SMAD1: variants seen among roughly 807,000 people sequenced by gnomAD.
The protein encoded by SMAD1 is SMAD family member 1.
Under a neutral mutation model 41.6 loss-of-function variants are expected in SMAD1, and 6 were observed. The ratio of observed to expected loss-of-function variants is 0.14; its 90% CI spans 0.08 to 0.28. The LOEUF is 0.28. SMAD1 is among the 10% of genes least tolerant of loss of function. SMAD1 has a pLI of 1.00. For synonymous variants in SMAD1, 206 were observed against 203.2 expected (o/e 1.01, Z -0.12); for missense variants, 379 against 582.6 (o/e 0.65, Z 3.60).
intron 1 of SMAD1, among the ~76,000 whole-genome samples, chr4:145,485,741 C>T (rs17020202): frequency 6.6e-6 from 1 of 152,150 alleles, no homozygotes; most frequent in African/African-American, 2.4e-5. Context: ...TTAGTGTCAT[C>T]GATTCTAATT....
intron 2 of SMAD1, among the ~76,000 whole-genome samples, chr4:145,526,349 A>AT (rs1435656962): frequency 6.6e-6 from 1 of 152,152 alleles, no homozygotes; most frequent in Non-Finnish European, 1.5e-5. Context: ...ATTTTGCAGT[A>AT]TTTTTTGTGT....
intron 1 of SMAD1, among the ~76,000 whole-genome samples, chr4:145,485,263 A>C (rs1425933065): frequency 6.6e-6 from 1 of 152,074 alleles, no homozygotes; most frequent in African/African-American, 2.4e-5. Flanking sequence ...TCTTGTAGAG[A>C]CAGGGTTTCG....
chr4:145,521,796 C>T (rs1003220626), intron 2 of SMAD1, among the ~76,000 whole-genome samples: 3 of 150,902 alleles, frequency 2.0e-5, no homozygotes, highest in Admixed American at 6.6e-5. Context: ...TTGTAATATT[C>T]TGTGATAGTC....
intron 1 of SMAD1, among the ~76,000 whole-genome samples, chr4:145,494,388 A>T (rs533364326): frequency 6.6e-6 from 1 of 152,254 alleles, no homozygotes; most frequent in Non-Finnish European, 1.5e-5. Context: ...TGCACTGAGG[A>T]TCTTCTAACT....
rs1342378266 is a variant in SMAD1, at chr4:145,514,764, C to T, written c.151C>T (p.Leu51=). 2 of 1,613,982 alleles carry T rather than the reference C, an allele frequency of 1.2e-6. No individual in the cohort carries two copies. Among genetic ancestry groups the T allele is most frequent in the Admixed American group, 1.7e-5 (1 of 59,990 alleles). Reference sequence around the variant, plus strand: ...GAAAAAGAAAGGTGCCATGGAGGAACTGGAAAAGGCCTTGAGCTGCCCAGG... The same window carrying T: ...GAAAAAGAAAGGTGCCATGGAGGAATTGGAAAAGGCCTTGAGCTGCCCAGG... The part of the protein sequence containing the change: ...LKKKKGAMEE[L]EKALSCPGQP... Residue 51 remains leucine, a synonymous_variant, in exon 2 of 7, where the codon CTG becomes TTG. Transcript: ENST00000302085. The surrounding 1 kb of genome is among the most constrained non-coding windows in gnomAD (Gnocchi z 4.7).
intron 1 of SMAD1, among the ~76,000 whole-genome samples, chr4:145,483,484 G>A (rs917370656): frequency 3.9e-4 from 59 of 152,310 alleles, no homozygotes; most frequent in African/African-American, 1.0e-3. Flanking sequence ...GGTGGACCGT[G>A]TTAAAAAAGA....
intron 1 of SMAD1, among the ~76,000 whole-genome samples, chr4:145,506,809 G>T (rs1729814320): frequency 6.6e-6 from 1 of 152,098 alleles, no homozygotes; most frequent in Non-Finnish European, 1.5e-5. Context: ...TGAGGCCAAG[G>T]TGAAGAAAAT....
chr4:145,553,308 C>T (rs1240464000), intron 5 of SMAD1, among the ~76,000 whole-genome samples: 1 of 152,040 alleles, frequency 6.6e-6, no homozygotes, highest in African/African-American at 2.4e-5. Flanking sequence ...ATCAGTCATA[C>T]ATCAGCCATC....
chr4:145,501,741 A>T (rs1226902656), intron 1 of SMAD1, among the ~76,000 whole-genome samples: 1 of 145,288 alleles, frequency 6.9e-6, no homozygotes, highest in African/African-American at 2.6e-5. Context: ...TTTAAACTTG[A>T]CTGAGGGACT....
intron 2 of SMAD1, among the ~76,000 whole-genome samples, chr4:145,523,955 A>AGTGGC (rs1730894148): frequency 6.6e-6 from 1 of 152,138 alleles, no homozygotes; most frequent in Non-Finnish European, 1.5e-5. Context: ...GCTGGAGTGC[A>AGTGGC]GTGGCGCAGT....
At chr4:145,483,153 A>G (rs1305163868) in intron 1 of SMAD1, 1 of 152,130 alleles carries the variant, frequency 6.6e-6, no homozygotes, top group Non-Finnish European at 1.5e-5. Flanking sequence ...TCTCAGAACC[A>G]TCTCCTGAGA....
chr4:145,485,353 G>A (rs141237263), intron 1 of SMAD1, among the ~76,000 whole-genome samples: 220 of 152,304 alleles, frequency 1.4e-3, no homozygotes, highest in African/African-American at 5.2e-3. Context: ...TGGGGTTACA[G>A]GTGTGAGCCA....
chr4:145,531,863 A>G (rs1270559611), intron 2 of SMAD1, among the ~76,000 whole-genome samples: 1 of 151,708 alleles, frequency 6.6e-6, no homozygotes, highest in Admixed American at 6.6e-5. Context: ...GGGCAAACAT[A>G]TATCAGAACT....
At chr4:145,551,954 G>T (rs1732575325) in intron 5 of SMAD1, among the ~76,000 whole-genome samples, 1 of 152,154 alleles carries the variant, frequency 6.6e-6, no homozygotes. Context: ...GCAGAACATT[G>T]CTGTCATCCC....
intron 1 of SMAD1, among the ~76,000 whole-genome samples, chr4:145,504,342 G>C (rs572740491): frequency 6.6e-6 from 1 of 152,134 alleles, no homozygotes; most frequent in Non-Finnish European, 1.5e-5. Context: ...GAAATAACTA[G>C]ATCCATTTCT....
At chr4:145,535,900 TAATAA>T (rs1731585960) in intron 2 of SMAD1, among the ~76,000 whole-genome samples, 2 of 149,092 alleles carry the variant, frequency 1.3e-5, no homozygotes, top group Non-Finnish European at 3.0e-5. Context: ...AATTTCAAAG[TAATAA>T]AATAACACTG....
intron 2 of SMAD1, chr4:145,516,892 G>C (rs546879555): frequency 6.6e-6 from 1 of 152,248 alleles, no homozygotes; most frequent in Admixed American, 6.5e-5. Flanking sequence ...GCCCCTACAA[G>C]TTAAGTGCCT....
At chr4:145,497,939 TTTTTGGCAG>T (rs568128843) in intron 1 of SMAD1, 8 of 152,188 alleles carry the variant, frequency 5.3e-5, no homozygotes, top group Admixed American at 2.0e-4. Context: ...TCCAGTCCAG[TTTTTGGCAG>T]ATTGAAAAAG....
intron 2 of SMAD1, among the ~76,000 whole-genome samples, chr4:145,519,318 A>C (rs1029435313): frequency 6.6e-6 from 1 of 151,686 alleles, no homozygotes; most frequent in Non-Finnish European, 1.5e-5. Flanking sequence ...CTGGTCTCGA[A>C]GTCCTGACCT....
Sources: gnomAD v4.1 joint callset for allele counts (sites outside exome capture counted in the v4.1 genomes callset) on GRCh38, gnomAD v4.1.1 for gene constraint, Gnocchi (gnomAD v3.1) non-coding constraint, MANE v1.5 for transcripts, NCBI Gene and HGNC (gene_info 2026-07-23, HGNC 2026-07-21) for gene names.